The following TNKS variants were observed in gnomAD, a reference collection of about 807,000 sequenced individuals.
TNKS encodes the protein tankyrase, also known as poly [ADP-ribose] polymerase tankyrase-1.
TNKS carries 72 observed loss-of-function variants against 135.8 expected under a neutral mutation model. The observed-to-expected ratio is 0.53, with a 90% confidence interval of 0.44 to 0.64. The LOEUF is 0.64. Ranked by LOEUF, TNKS falls within the 30% of genes least tolerant of loss-of-function variation. TNKS has a pLI of 0.00. For synonymous variants in TNKS, 849 were observed against 649.3 expected, an observed-to-expected ratio of 1.31 and a Z score of -4.68; for missense variants, 1,769 against 1,674.0, an observed-to-expected ratio of 1.06 and a Z score of -0.99.
intron 3 of TNKS, among the ~76,000 whole-genome samples, chr8:9,646,629 A>T (rs1435844790): frequency 6.6e-6 from 1 of 152,212 alleles, no homozygotes; most frequent in Non-Finnish European, 1.5e-5. Context: ...AAACTCATGG[A>T]ATCTCAAGGT....
intron 3 of TNKS, among the ~76,000 whole-genome samples, chr8:9,663,380 G>A (rs4841194): frequency 0.1 from 15,219 of 152,230 alleles, 1,075 homozygotes; most frequent in East Asian, 0.21. Flanking sequence ...ATACAAACAC[G>A]TGTGTGTATA....
chr8:9,660,397 G>A (rs1801637789), intron 3 of TNKS, among the ~76,000 whole-genome samples: 1 of 152,168 alleles, frequency 6.6e-6, no homozygotes, highest in Non-Finnish European at 1.5e-5. Context: ...CCATGATCAA[G>A]TGGGCTTCAT....
chr8:9,760,578 T>C (rs2128833181), intron 20 of TNKS, among the ~76,000 whole-genome samples: 1 of 152,298 alleles, frequency 6.6e-6, no homozygotes, highest in Non-Finnish European at 1.5e-5. Context: ...AGACTAATCT[T>C]GTAGACTAGT....
chr8:9,577,694 A>G (rs1798005336), intron 1 of TNKS, among the ~76,000 whole-genome samples: 1 of 152,222 alleles, frequency 6.6e-6, no homozygotes, highest in Admixed American at 6.5e-5. Flanking sequence ...ATAATTTGAC[A>G]TGAGATTTGG....
chr8:9,655,841 G>C (rs4841193), intron 3 of TNKS, among the ~76,000 whole-genome samples: 148,918 of 152,190 alleles, frequency 0.98, 72,935 homozygotes, highest in South Asian at 1. Context: ...AGCGCCTCTC[G>C]TCCTCCAAAG....
At chr8:9,721,826 G>A (rs146511506) in intron 12 of TNKS, among the ~76,000 whole-genome samples, 12 of 152,142 alleles carry the variant, frequency 7.9e-5, no homozygotes, top group African/African-American at 2.9e-4. Context: ...GGCCGAGGTG[G>A]GCGGATCACG....
At chr8:9,722,919 A>C (rs1239261896) in intron 12 of TNKS, among the ~76,000 whole-genome samples, 2 of 150,792 alleles carry the variant, frequency 1.3e-5, no homozygotes, top group Non-Finnish European at 3.0e-5. Context: ...TACTGAATGC[A>C]GTTAGAATAT....
chr8:9,624,810 A>G (rs1799996601), intron 3 of TNKS, among the ~76,000 whole-genome samples: 2 of 152,206 alleles, frequency 1.3e-5, no homozygotes, highest in African/African-American at 4.8e-5. Flanking sequence ...AATCCCTTAT[A>G]AAAAGTTACA....
chr8:9,770,317 C>CA (rs1807748727), intron 26 of TNKS, 55 bp downstream of exon 26: 2 of 1,543,386 alleles, frequency 1.3e-6, no homozygotes, highest in African/African-American at 2.7e-5. Context: ...CAATAGAGCA[C>CA]AGAGACCGTG....
In TNKS at chr8:9,556,040, C is replaced by A. The variant is rs371322654; in HGVS notation, c.101C>A (p.Pro34Gln). The change falls in exon 1 of 27, where the codon CCA (proline) becomes CAA (glutamine). Residue 34 changes from proline to glutamine, a missense_variant. Transcript: ENST00000310430. ...GCGCCGCCGCCGCCACCTCCTCCCC[C>A]ACTCAGCCCTGGCCTGGCCCCGGGG... ...ASAPPPPPPPPLSPGLAPGTT... is the reference protein window; with the variant it reads ...ASAPPPPPPPQLSPGLAPGTT... 61 of 1,611,564 alleles carry A rather than the reference C, an allele frequency of 3.8e-5. No homozygotes were observed. The Middle Eastern group carries it at 5.0e-4, about 13-fold the overall frequency.
At chr8:9,560,493 C>CTTTTTTTTTTTTTTTTTTTTT (rs535715245) in intron 1 of TNKS, among the ~76,000 whole-genome samples, 1 of 42,286 alleles carries the variant, frequency 2.4e-5, no homozygotes, top group Non-Finnish European at 4.1e-5. Context: ...CCATACTTGT[C>CTTTTTTTTTTTTTTTTTTTTT]TTTTTTTTTT....
At position 9,689,016 on chromosome 8, in the gene TNKS, A is replaced by C. The variant is rs564143965; in HGVS notation, c.1107+8216A>C. 3.9e-5 allele frequency among the ~76,000 whole-genome samples: 6 copies of C among 152,292 alleles called. No individual in the cohort carries two copies. The South Asian group carries it at 1.2e-3, about 32-fold the overall frequency. On this transcript the variant is annotated intron_variant, in intron 5 of 26. Transcript: ENST00000310430. ...GGTTCCCACCCTTATGACCTCATCC[A>C]AACCATATTACCTCACAAAGACCCT...
intron 3 of TNKS, among the ~76,000 whole-genome samples, chr8:9,657,766 G>A (rs1452386315): frequency 6.7e-4 from 98 of 146,386 alleles, no homozygotes; most frequent in Middle Eastern, 3.6e-3. Flanking sequence ...GGGGCGGCTG[G>A]CCGGGCAGGG....
At chr8:9,688,369 T>C (rs912999333) in intron 5 of TNKS, among the ~76,000 whole-genome samples, 1 of 152,218 alleles carries the variant, frequency 6.6e-6, no homozygotes, top group Non-Finnish European at 1.5e-5. Flanking sequence ...ATGAGTTAAT[T>C]ATGGATTTAA....
chr8:9,605,575 C>G (rs868211402), intron 2 of TNKS, among the ~76,000 whole-genome samples: 35 of 152,002 alleles, frequency 2.3e-4, no homozygotes, highest in African/African-American at 7.0e-4. Flanking sequence ...AAACTGATTT[C>G]CAAAATGGTT....
At chr8:9,588,504 C>G (rs1798473689) in intron 2 of TNKS, among the ~76,000 whole-genome samples, 3 of 152,190 alleles carry the variant, frequency 2.0e-5, no homozygotes, top group Admixed American at 2.0e-4. Context: ...TCTCTATCTC[C>G]TGACCTCGTG....
At position 9,574,702 on chromosome 8, in the gene TNKS, C is replaced by T. The variant is rs34706066; in HGVS notation, c.674-5457C>T. On this transcript the variant is annotated intron_variant, in intron 1 of 26. Transcript: ENST00000310430. The stretch of plus-strand genomic sequence containing the variant: ...TTCTTCACTAACAGATCTTAGATTT[C>T]GTTCAAGGCAGTAGTGTGTCTGGCT... 2.8e-4 allele frequency among the ~76,000 whole-genome samples: 42 copies of T among 152,278 alleles called. No homozygotes were observed. The East Asian group carries it at 5.4e-3, about 20-fold the overall frequency.
chr8:9,767,473 G>C (rs1807525206), intron 25 of TNKS, among the ~76,000 whole-genome samples: 1 of 152,118 alleles, frequency 6.6e-6, no homozygotes, highest in South Asian at 2.1e-4. Flanking sequence ...ACCTTAAAAA[G>C]ACCCAAATAA....
chr8:9,603,531 A>G (rs1045569216), intron 2 of TNKS, among the ~76,000 whole-genome samples: 2 of 152,206 alleles, frequency 1.3e-5, no homozygotes, highest in African/African-American at 4.8e-5. Context: ...AGACCACACA[A>G]CCATTACTTC....
Sources: allele counts gnomAD v4.1 joint callset (sites outside exome capture counted in the v4.1 genomes callset), GRCh38; gene constraint gnomAD v4.1.1; transcripts MANE v1.5; gene names NCBI Gene and HGNC (gene_info 2026-07-23, HGNC 2026-07-21).